MIPOL1: variants seen among roughly 807,000 people sequenced by gnomAD.
The protein encoded by MIPOL1 is mirror-image polydactyly 1, also known as mirror-image polydactyly gene 1 protein.
Under a neutral mutation model 60.9 loss-of-function variants are expected in MIPOL1, and 57 were observed. The ratio of observed to expected loss-of-function variants is 0.94; its 90% confidence interval spans 0.76 to 1.17. The LOEUF is 1.17. MIPOL1 is among the 50% of genes most tolerant of loss of function. The pLI, the probability that MIPOL1 is intolerant of heterozygous loss-of-function variation, is 0.00. For synonymous variants in MIPOL1, 179 were observed against 168.8 expected (o/e 1.06, Z -0.47); for missense variants, 551 against 511.6 (o/e 1.08, Z -0.74).
chr14:37,298,094 A>T (rs1300658321), intron 7 of MIPOL1, among the ~76,000 whole-genome samples: 1 of 152,216 alleles, frequency 6.6e-6, no homozygotes, highest in African/African-American at 2.4e-5. Flanking sequence ...TGCTGGTACC[A>T]AAACAGAGAT....
At chr14:37,289,843 C>G (rs1446975327) in intron 7 of MIPOL1, among the ~76,000 whole-genome samples, 1 of 152,150 alleles carries the variant, frequency 6.6e-6, no homozygotes, top group South Asian at 2.1e-4. Flanking sequence ...TCATGACCAG[C>G]CTCCATCCAG....
intron 9 of MIPOL1, among the ~76,000 whole-genome samples, chr14:37,332,825 TGTTACTGAAGA>T (rs1780705129): frequency 6.6e-6 from 1 of 152,168 alleles, no homozygotes; most frequent in African/African-American, 2.4e-5. Context: ...GGTCCCATGG[TGTTACTGAAGA>T]GTTACAGTAT....
At chr14:37,204,922 C>T (rs891300727) in intron 1 of MIPOL1, among the ~76,000 whole-genome samples, 1 of 151,982 alleles carries the variant, frequency 6.6e-6, no homozygotes, top group African/African-American at 2.4e-5. Flanking sequence ...AATGGCTTTG[C>T]CCAAAATGCT....
intron 10 of MIPOL1, among the ~76,000 whole-genome samples, chr14:37,383,146 G>C (rs903405093): frequency 2.0e-5 from 3 of 151,444 alleles, no homozygotes; most frequent in African/African-American, 7.3e-5. Flanking sequence ...TCTTTTATTT[G>C]TACGTTCTTA....
chr14:37,486,151 G>A (rs894620590), intron 11 of MIPOL1, among the ~76,000 whole-genome samples: 3 of 152,100 alleles, frequency 2.0e-5, no homozygotes, highest in African/African-American at 7.2e-5. Flanking sequence ...TAAATGTGTG[G>A]TGTTATTTCT....
At chr14:37,425,822 A>G (rs570781471) in intron 11 of MIPOL1, among the ~76,000 whole-genome samples, 1 of 152,326 alleles carries the variant, frequency 6.6e-6, no homozygotes, top group South Asian at 2.1e-4. Context: ...TATGATAAGG[A>G]CCAAAGGTAT....
intron 10 of MIPOL1, among the ~76,000 whole-genome samples, chr14:37,405,706 T>G (rs2093574127): frequency 6.6e-6 from 1 of 151,940 alleles, no homozygotes; most frequent in Non-Finnish European, 1.5e-5. Flanking sequence ...TACTTTCATT[T>G]AATTGTGAAC....
chr14:37,433,854 C>A (rs1477288034), intron 11 of MIPOL1, among the ~76,000 whole-genome samples: 2 of 152,200 alleles, frequency 1.3e-5, no homozygotes, highest in Non-Finnish European at 2.9e-5. Context: ...CCGCACCCGA[C>A]CCTGAACTCA....
chr14:37,419,529 T>A (rs2093832662), intron 10 of MIPOL1, among the ~76,000 whole-genome samples: 1 of 152,218 alleles, frequency 6.6e-6, no homozygotes, highest in Non-Finnish European at 1.5e-5. Flanking sequence ...GTGTACTTAC[T>A]TGCATATATG....
chr14:37,372,748 C>G (rs1252021221), intron 10 of MIPOL1, among the ~76,000 whole-genome samples: 1 of 70,588 alleles, frequency 1.4e-5, no homozygotes, highest in African/African-American at 4.4e-5. Flanking sequence ...GAGTGAGACT[C>G]CGTCTCAAAA....
chr14:37,531,186 A>C, intron 12 of MIPOL1, among the ~76,000 whole-genome samples: 1 of 152,020 alleles, frequency 6.6e-6, no homozygotes, highest in East Asian at 1.9e-4. Flanking sequence ...AATAGTTGTA[A>C]ATCTTTGCTT....
intron 11 of MIPOL1, among the ~76,000 whole-genome samples, chr14:37,452,766 G>T (rs369389195): frequency 4.6e-5 from 7 of 152,244 alleles, no homozygotes; most frequent in East Asian, 1.9e-4. Context: ...TCAAGTTGAC[G>T]TATAGTGTTT....
rs113597194 is a variant in MIPOL1, at chr14:37,350,699, A to G, written c.829-18818A>G. On this transcript the variant is annotated intron_variant, in intron 9 of 12. Transcript: ENST00000684589. The stretch of plus-strand genomic sequence containing the variant: ...TCTTCCTAACTCTTTTTTTGTACCT[A>G]TTAACCATCCCACTTCCCTCCAGCC... Among the ~76,000 whole-genome samples the G allele has an allele frequency of 9.9e-3, 1,512 of 152,150 alleles. 9 individuals carry two copies. Among genetic ancestry groups the G allele is most frequent in the Middle Eastern group, 0.031 (9 of 292 alleles).
At position 37,420,405 on chromosome 14, in the gene MIPOL1, T is replaced by A. The variant is rs777054533; in HGVS notation, c.937-2450T>A. Among the ~76,000 whole-genome samples the A allele has an allele frequency of 5.9e-4, 90 of 152,256 alleles. 1 individual carries two copies. The highest frequency in any genetic ancestry group is 1.1e-3 in the Non-Finnish European group (76 of 68,012). ...ATGCATGCAGTTTTTATAAAAGTAA[T>A]TGCCAGAAATATGGGAATAGGATGC... On this transcript the variant is annotated intron_variant, in intron 10 of 12. Coordinates refer to ENST00000684589, the MANE Select transcript of MIPOL1 (RefSeq NM_001388067.1).
At chr14:37,200,528 A>T (rs1965062478) in intron 1 of MIPOL1, among the ~76,000 whole-genome samples, 1 of 152,160 alleles carries the variant, frequency 6.6e-6, no homozygotes, top group African/African-American at 2.4e-5. Flanking sequence ...GAATGTCTCT[A>T]GTTAGAAGTT....
At chr14:37,431,609 T>C (rs1343351597) in intron 11 of MIPOL1, among the ~76,000 whole-genome samples, 4 of 131,510 alleles carry the variant, frequency 3.0e-5, no homozygotes, top group Admixed American at 1.7e-4. Context: ...GACAGAGTCT[T>C]GCTCTGTCGC....
chr14:37,265,450 A>G (rs907914920), intron 3 of MIPOL1, among the ~76,000 whole-genome samples: 3 of 152,184 alleles, frequency 2.0e-5, no homozygotes, highest in Admixed American at 6.5e-5. Context: ...CCCAGTAGCT[A>G]CCACAAGACA....
At chr14:37,350,695 A>G (rs144587715) in intron 9 of MIPOL1, among the ~76,000 whole-genome samples, 8 of 151,810 alleles carry the variant, frequency 5.3e-5, no homozygotes, top group African/African-American at 1.9e-4. Flanking sequence ...CTTTTTTTGT[A>G]CCTATTAACC....
intron 11 of MIPOL1, chr14:37,423,835 A>G (rs1274458428): frequency 6.6e-6 from 1 of 152,194 alleles, no homozygotes; most frequent in Non-Finnish European, 1.5e-5. Context: ...GTCATGATAT[A>G]TCATGATATA....
Sources: allele counts gnomAD v4.1 joint callset (sites outside exome capture counted in the v4.1 genomes callset), GRCh38; gene constraint gnomAD v4.1.1; transcripts MANE v1.5; gene names NCBI Gene and HGNC (gene_info 2026-07-23, HGNC 2026-07-21).